Variants in PCDH11X observed in about 807,000 individuals in gnomAD.
PCDH11X encodes protocadherin-11 X-linked.
A neutral mutation model predicts 53.3 loss-of-function variants in PCDH11X; 18 were observed. The observed-to-expected ratio is 0.34, with a 90% CI of 0.23 to 0.50. The LOEUF (loss-of-function observed/expected upper bound fraction) is 0.50, where lower values mean the gene tolerates loss of function less well. Among genes scored for constraint, PCDH11X ranks in the 20% least tolerant of loss-of-function variants. The pLI is 0.98. For missense variants in PCDH11X, 570 were observed against 1,032.4 expected, an observed-to-expected ratio of 0.55 and a Z score of 6.14; for synonymous variants, 279 against 393.3, an observed-to-expected ratio of 0.71 and a Z score of 3.44.
intron 9 of PCDH11X, among the ~76,000 whole-genome samples, chrX:92,403,293 A>C (rs1378429985): frequency 1.9e-4 from 18 of 94,283 alleles, no homozygotes; most frequent in African/African-American, 7.1e-4. Flanking sequence ...GTATCTGTTT[A>C]TACGTGTGTA....
intron 9 of PCDH11X, among the ~76,000 whole-genome samples, chrX:92,431,970 C>G (rs955821734): frequency 1.8e-5 from 2 of 110,226 alleles, no homozygotes; most frequent in African/African-American, 6.5e-5. Flanking sequence ...ACAAAATGAT[C>G]TGACAATACA....
intron 8 of PCDH11X, among the ~76,000 whole-genome samples, chrX:92,283,328 G>A (rs2068290983): frequency 9.0e-6 from 1 of 111,280 alleles, no homozygotes. Flanking sequence ...TTTACTTCAA[G>A]TTTTTATAGA....
At chrX:92,224,113 C>T (rs1159993745) in intron 7 of PCDH11X, among the ~76,000 whole-genome samples, 1 of 111,953 alleles carries the variant, frequency 8.9e-6, no homozygotes, top group Non-Finnish European at 1.9e-5. Context: ...CTAACTCCTA[C>T]TCTCAACTTT....
chrX:92,121,133 ATTTTT>A (rs1210127836), intron 6 of PCDH11X, among the ~76,000 whole-genome samples: 1 of 108,397 alleles, frequency 9.2e-6, no homozygotes, highest in Non-Finnish European at 1.9e-5. Flanking sequence ...AGCTTCTAAA[ATTTTT>A]TTTGTTTTGT....
chrX:92,204,431 G>A (rs1344583479), intron 7 of PCDH11X, among the ~76,000 whole-genome samples: 1 of 111,909 alleles, frequency 8.9e-6, no homozygotes, highest in African/African-American at 3.2e-5. Context: ...GGGGCAAAAT[G>A]CCACCATCCT....
intron 9 of PCDH11X, among the ~76,000 whole-genome samples, chrX:92,452,496 TATG>T (rs1169118342): frequency 6.3e-4 from 29 of 46,264 alleles, no homozygotes; most frequent in Non-Finnish European, 9.2e-4. Context: ...TATATATATA[TATG>T]TTTTTTTTTT....
Position 92,351,530 on chromosome X carries a change from T to A in PCDH11X, c.3145-36205T>A, listed in dbSNP as rs140244382. ...GAAATTCTATTTTATCTTACTGATA[T>A]CAATGTTATTTATAGTGTAATAATA... On this transcript the variant is annotated intron_variant, in intron 8 of 10. Transcript: ENST00000682573. 3.7e-4 allele frequency among the ~76,000 whole-genome samples: 41 copies of A among 111,851 alleles called. 1 individual carries two copies. In the East Asian group the frequency reaches 0.011, roughly 31 times the overall value.
At chrX:92,256,396 C>A (rs1395532493) in intron 7 of PCDH11X, among the ~76,000 whole-genome samples, 3 of 111,285 alleles carry the variant, frequency 2.7e-5, no homozygotes, top group African/African-American at 9.8e-5. Flanking sequence ...CAGAAATCAC[C>A]CATCTTCTGT....
At chrX:92,584,043 A>C (rs1185659648) in intron 10 of PCDH11X, among the ~76,000 whole-genome samples, 1 of 111,498 alleles carries the variant, frequency 9.0e-6, no homozygotes, top group Non-Finnish European at 1.9e-5. Context: ...ACAATGATGA[A>C]ATAAATAAAA....
intron 8 of PCDH11X, among the ~76,000 whole-genome samples, chrX:92,300,728 C>T (rs1396290125): frequency 8.9e-6 from 1 of 112,116 alleles, no homozygotes; most frequent in Admixed American, 9.5e-5. Flanking sequence ...CCACCTGCTT[C>T]AGCCTCCCAG....
intron 6 of PCDH11X, among the ~76,000 whole-genome samples, chrX:92,069,100 G>T (rs2063659997): frequency 9.2e-6 from 1 of 108,965 alleles, no homozygotes; most frequent in Non-Finnish European, 1.9e-5. Flanking sequence ...ATTGTATTAG[G>T]GTATATCACT....
At chrX:92,398,861 A>T (rs1322768875) in intron 9 of PCDH11X, among the ~76,000 whole-genome samples, 15 of 110,383 alleles carry the variant, frequency 1.4e-4, no homozygotes, top group Non-Finnish European at 2.6e-4. Flanking sequence ...ATGAAAGTGC[A>T]TGTATTTGTC....
In PCDH11X at chrX:91,835,420, A is replaced by G; in HGVS notation, c.-44-41A>G. The G allele has an allele frequency of 2.5e-6, 3 of 1,209,624 alleles. No individual in the cohort carries two copies. The Admixed American group carries it at 6.6e-5, about 26-fold the overall frequency. On this transcript the variant is annotated intron_variant, in intron 4 of 10. Transcript: ENST00000682573. ...CATGTTTAGGGTTGGCTTCTTAATA[A>G]TTTCTTCTTCCTCTTCTCTCTCTCC... is the stretch of plus-strand genomic sequence containing the variant.
At chrX:91,865,413 C>A (rs1299745007) in intron 5 of PCDH11X, among the ~76,000 whole-genome samples, 1 of 106,091 alleles carries the variant, frequency 9.4e-6, no homozygotes, top group African/African-American at 3.4e-5. Context: ...GTAACACAAG[C>A]ACCACTGTGG....
chrX:92,412,159 AGG>A (rs2071690101), intron 9 of PCDH11X, among the ~76,000 whole-genome samples: 1 of 93,647 alleles, frequency 1.1e-5, no homozygotes, highest in African/African-American at 4.7e-5. Context: ...GAGGAGGAGG[AGG>A]AGGAGGAAAA....
At chrX:92,194,733 G>C (rs1242821760) in intron 6 of PCDH11X, among the ~76,000 whole-genome samples, 1 of 109,595 alleles carries the variant, frequency 9.1e-6, no homozygotes, top group African/African-American at 3.3e-5. Flanking sequence ...CCTAGGGCAG[G>C]CCATCTCATA....
chrX:91,888,434 C>A (rs1940333396), intron 6 of PCDH11X, among the ~76,000 whole-genome samples: 1 of 111,773 alleles, frequency 8.9e-6, no homozygotes, highest in Non-Finnish European at 1.9e-5. Flanking sequence ...AGGTGGATCG[C>A]TTGAGCTCAG....
chrX:92,040,595 C>T (rs1247666877), intron 6 of PCDH11X, among the ~76,000 whole-genome samples: 1 of 111,924 alleles, frequency 8.9e-6, no homozygotes, highest in Non-Finnish European at 1.9e-5. Context: ...TCTTTCCTAG[C>T]CTTCTCAGTG....
At chrX:92,019,454 C>T (rs1302072292) in intron 6 of PCDH11X, among the ~76,000 whole-genome samples, 1 of 111,310 alleles carries the variant, frequency 9.0e-6, no homozygotes. Flanking sequence ...AAATCAACCG[C>T]ATAATCAGAC....
Sources: allele counts gnomAD v4.1 joint callset (sites outside exome capture counted in the v4.1 genomes callset), GRCh38; gene constraint gnomAD v4.1.1; transcripts MANE v1.5; gene names NCBI Gene and HGNC (gene_info 2026-07-23, HGNC 2026-07-21).